The following PCDHGB4 variants were observed in gnomAD, a reference collection of about 807,000 sequenced individuals.
PCDHGB4 encodes protocadherin gamma subfamily B, 4.
PCDHGB4 carries 38 observed loss-of-function variants against 60.5 expected under a neutral mutation model. That is an observed-to-expected ratio of 0.63 (90% CI 0.48 to 0.82). The LOEUF (loss-of-function observed/expected upper bound fraction) is 0.82, where lower values mean the gene tolerates loss of function less well. Among genes scored for constraint, PCDHGB4 ranks in the 40% least tolerant of loss-of-function variants. PCDHGB4 has a pLI of 0.00. For synonymous variants in PCDHGB4, 456 were observed against 509.7 expected, an observed-to-expected ratio of 0.89 and a Z score of 1.42; for missense variants, 1,109 against 1,209.6, an observed-to-expected ratio of 0.92 and a Z score of 1.23.
At chr5:141,482,956 CCAGCTACTTGAG>C (rs6149271) in intron 1 of PCDHGB4, among the ~76,000 whole-genome samples, 62,216 of 151,640 alleles carry the variant, frequency 0.41, 15,336 homozygotes, top group African/African-American at 0.7. Context: ...GCCTGTAATT[CCAGCTACTTGAG>C]CAGCTACTTG....
chr5:141,423,233 TC>T, intron 1 of PCDHGB4: 1 of 1,613,860 alleles, frequency 6.2e-7, no homozygotes, highest in Non-Finnish European at 8.5e-7. Flanking sequence ...GCCGACAGCA[TC>T]CCCGAAGTCC....
chr5:141,461,058 T>C (rs1450016344), intron 1 of PCDHGB4, among the ~76,000 whole-genome samples: 2 of 152,010 alleles, frequency 1.3e-5, no homozygotes, highest in Admixed American at 1.3e-4. Context: ...CTTAGGTTGG[T>C]TTCACATTTT....
At chr5:141,469,886 T>A (rs766990419) in intron 1 of PCDHGB4, among the ~76,000 whole-genome samples, 4 of 152,208 alleles carry the variant, frequency 2.6e-5, no homozygotes, top group Non-Finnish European at 4.4e-5. Context: ...ATCTCGGCAC[T>A]TTGGGAAGCC....
Position 141,431,755 on chromosome 5 carries a change from AGTCCT to A in PCDHGB4, c.2397+41476_2397+41480del. On this transcript the variant is annotated intron_variant, in intron 1 of 3. Coordinates refer to ENST00000519479, the MANE Select transcript of PCDHGB4 (RefSeq NM_003736.4). This position sits in a 1 kb window ranked among gnomAD's most constrained non-coding sequence, Gnocchi z 4.8. ...ATGCAGGATATTCTGCGCGAGCCAA[AGTCCT>A]GATCACTGTTCTGGACGTGAACGAC... 6.2e-7 allele frequency: 1 copy of A among 1,614,238 alleles called. No individual in the cohort carries two copies. Among genetic ancestry groups the A allele is most frequent in the Non-Finnish European group, 8.5e-7 (1 of 1,180,048 alleles).
chr5:141,433,328 G>A (rs965877578), intron 1 of PCDHGB4: 3 of 724,464 alleles, frequency 4.1e-6, no homozygotes, highest in African/African-American at 3.6e-5. Context: ...GGTGTAACAG[G>A]GACTACAGGT....
chr5:141,477,189 A>G lies in PCDHGB4; in HGVS notation c.2398-17618A>G, dbSNP rs377372902. ...CCGGAGATCACAGTCACCTCCGTGT[A>G]CAGCCCAGTACCCGAGGATGCCCCT... On this transcript the variant is annotated intron_variant, in intron 1 of 3. Coordinates refer to ENST00000519479, the MANE Select transcript of PCDHGB4 (RefSeq NM_003736.4). The surrounding 1 kb of genome is among the most constrained non-coding windows in gnomAD (Gnocchi z 4.9). 6.2e-7 allele frequency: 1 copy of G among 1,614,070 alleles called. No homozygotes were observed. The highest frequency in any genetic ancestry group is 8.5e-7 in the Non-Finnish European group (1 of 1,180,040).
At chr5:141,438,583 CAT>C (rs1561889590) in intron 1 of PCDHGB4, among the ~76,000 whole-genome samples, 4 of 57,610 alleles carry the variant, frequency 6.9e-5, no homozygotes, top group African/African-American at 3.6e-4. Flanking sequence ...TACATACATA[CAT>C]ACATACATAT....
chr5:141,449,147 G>T (rs2098630156), intron 1 of PCDHGB4, among the ~76,000 whole-genome samples: 1 of 152,110 alleles, frequency 6.6e-6, no homozygotes, highest in African/African-American at 2.4e-5. Flanking sequence ...AAATTGCTGG[G>T]TCAAAGAGGA....
In PCDHGB4 at chr5:141,487,102, G is replaced by C; in HGVS notation, c.2398-7705G>C. The C allele has an allele frequency of 6.2e-7, 1 of 1,613,900 alleles. No homozygotes were observed. Among genetic ancestry groups the C allele is most frequent in the Non-Finnish European group, 8.5e-7 (1 of 1,179,818 alleles). ...CAGCTGACCTCCCACCACAGAAGCTGGTCATTGTGGTAAAGGATAGTGGTA... is the reference window on the plus strand; with the variant it reads ...CAGCTGACCTCCCACCACAGAAGCTCGTCATTGTGGTAAAGGATAGTGGTA... On this transcript the variant is annotated intron_variant, in intron 1 of 3. Transcript: ENST00000519479. This position sits in a 1 kb window ranked among gnomAD's most constrained non-coding sequence, Gnocchi z 5.0.
intron 1 of PCDHGB4, chr5:141,404,905 GC>G (rs762314174): frequency 6.2e-6 from 10 of 1,613,910 alleles, no homozygotes; most frequent in Middle Eastern, 1.7e-4. Context: ...ACCATGGCCA[GC>G]CCCCTCTCTC....
At position 141,489,437 on chromosome 5, in the gene PCDHGB4, T is replaced by C; in HGVS notation, c.2398-5370T>C. The C allele has an allele frequency of 6.2e-7, 1 of 1,614,110 alleles. No individual in the cohort carries two copies. Among genetic ancestry groups the C allele is most frequent in the Non-Finnish European group, 8.5e-7 (1 of 1,180,020 alleles). ...GATCTGTTGAGCCGGCGGCTGCAATTGGGCTCTGAGGAGAATGGGCGCTAT... is the reference window on the plus strand; with the variant it reads ...GATCTGTTGAGCCGGCGGCTGCAATCGGGCTCTGAGGAGAATGGGCGCTAT... On this transcript the variant is annotated intron_variant, in intron 1 of 3. Transcript: ENST00000519479. This position sits in a 1 kb window ranked among gnomAD's most constrained non-coding sequence, Gnocchi z 4.5.
chr5:141,410,653 A>G (rs1272999564), intron 1 of PCDHGB4: 9 of 1,589,886 alleles, frequency 5.7e-6, no homozygotes, highest in Non-Finnish European at 7.7e-6. Context: ...TGATTTATCT[A>G]ATAGTCTACT....
In PCDHGB4 at chr5:141,477,101, G is replaced by A. The variant is rs770640663; in HGVS notation, c.2398-17706G>A. On this transcript the variant is annotated intron_variant, in intron 1 of 3. Transcript: ENST00000519479. The surrounding 1 kb of genome is among the most constrained non-coding windows in gnomAD (Gnocchi z 4.9). ...TTACATCCAGGCCAAAGACAAGGGC[G>A]CCAATCCCGAAGGAGCACATTGCAA... 2 of 1,614,262 alleles carry A rather than the reference G, an allele frequency of 1.2e-6. No individual in the cohort carries two copies. Among genetic ancestry groups the A allele is most frequent in the East Asian group, 2.2e-5 (1 of 44,884 alleles).
chr5:141,492,558 G>A (rs879634396), intron 1 of PCDHGB4, among the ~76,000 whole-genome samples: 1 of 152,236 alleles, frequency 6.6e-6, no homozygotes, highest in South Asian at 2.1e-4. Context: ...CGCCTGGGGG[G>A]CGGCCTGAGC....
At chr5:141,509,507 T>G (rs2099877110) in intron 3 of PCDHGB4, among the ~76,000 whole-genome samples, 1 of 151,792 alleles carries the variant, frequency 6.6e-6, no homozygotes, top group African/African-American at 2.4e-5. Flanking sequence ...GATGTGACGG[T>G]GTTGATGATG....
In PCDHGB4 at chr5:141,422,749, A is replaced by G. The variant is rs202046219; in HGVS notation, c.2397+32468A>G. Reference sequence around the variant, plus strand: ...GGTGCCTCTGTCCTCCTATGTCTCTATTAACTCCAACACTGGTGTTCTCTA... The same window carrying G: ...GGTGCCTCTGTCCTCCTATGTCTCTGTTAACTCCAACACTGGTGTTCTCTA... On this transcript the variant is annotated intron_variant, in intron 1 of 3. Coordinates refer to ENST00000519479, the MANE Select transcript of PCDHGB4 (RefSeq NM_003736.4). 269 of 1,611,644 alleles carry G rather than the reference A, an allele frequency of 1.7e-4. 1 individual carries two copies. The African/African-American group carries it at 3.3e-3, about 20-fold the overall frequency.
Position 141,394,738 on chromosome 5 carries a change from T to G in PCDHGB4, c.2397+4457T>G. ...GACAGAGATGCGCTCAAGCAGAGCCTCGTGGTGGCCGTCCAGGACCATGGC... is the reference window on the plus strand; with the variant it reads ...GACAGAGATGCGCTCAAGCAGAGCCGCGTGGTGGCCGTCCAGGACCATGGC... On this transcript the variant is annotated intron_variant, in intron 1 of 3. Coordinates refer to ENST00000519479, the MANE Select transcript of PCDHGB4 (RefSeq NM_003736.4). 3 of 1,613,412 alleles carry G rather than the reference T, an allele frequency of 1.9e-6. No homozygotes were observed. The African/African-American group carries it at 4.0e-5, about 21-fold the overall frequency.
chr5:141,409,690 A>T (rs778962490), intron 1 of PCDHGB4: 1 of 1,613,354 alleles, frequency 6.2e-7, no homozygotes, highest in South Asian at 1.1e-5. Context: ...CGAGTGACCT[A>T]GAGCCCCTGG....
At chr5:141,423,225 C>T (rs763729316) in intron 1 of PCDHGB4, 3 of 1,613,804 alleles carry the variant, frequency 1.9e-6, no homozygotes, top group South Asian at 1.1e-5. Context: ...TGGCTGTGGC[C>T]GACAGCATCC....
Sources: allele counts gnomAD v4.1 joint callset (sites outside exome capture counted in the v4.1 genomes callset), GRCh38; gene constraint gnomAD v4.1.1; non-coding constraint Gnocchi (gnomAD v3.1); transcripts MANE v1.5; gene names NCBI Gene and HGNC (gene_info 2026-07-23, HGNC 2026-07-21).